UGT1A1: variants seen among roughly 807,000 people sequenced by gnomAD.
The protein encoded by UGT1A1 is UDP glucuronosyltransferase family 1 member A1, also known as UDP-glucuronosyltransferase 1A1.
In UGT1A1, 33 loss-of-function variants were observed where a neutral mutation model predicts 40.6. The ratio of observed to expected loss-of-function variants is 0.81; its 90% CI spans 0.62 to 1.09. UGT1A1 has a LOEUF of 1.09. Among genes scored for constraint, UGT1A1 ranks in the 50% least tolerant of loss-of-function variants. The probability of loss-of-function intolerance (pLI) is 0.00; values close to 1 mark genes in which losing one functional copy is unlikely to be tolerated. For synonymous variants in UGT1A1, 249 were observed against 265.0 expected (o/e 0.94, Z 0.59); for missense variants, 694 against 671.2 (o/e 1.03, Z -0.38).
At chr2:233,761,211 C>A in intron 1 of UGT1A1, 60 bp downstream of exon 1, 2 of 1,613,736 alleles carry the variant, frequency 1.2e-6, no homozygotes, top group South Asian at 1.1e-5. Flanking sequence ...TACTTTGGAT[C>A]GATTAACTAG....
Position 233,772,306 on chromosome 2 carries a change from G to T in UGT1A1, c.1349G>T (p.Arg450Leu), listed in dbSNP as rs200370335. 9.9e-6 allele frequency: 16 copies of T among 1,614,092 alleles called. No individual in the cohort carries two copies. Among genetic ancestry groups the T allele is most frequent in the South Asian group, 2.2e-5 (2 of 91,084 alleles). ...CGCCTCTCCAGCCTTCACAAGGACC[G>T]CCCGGTGGAGCCGCTGGACCTGGCC... ...IMRLSSLHKD[R>L]PVEPLDLAVF... The change falls in exon 5 of 5, where the codon CGC (arginine) becomes CTC (leucine). Residue 450 changes from arginine (R) to leucine (L), a missense_variant. By Grantham distance (102) the Arg-to-Leu change is moderately radical. Coordinates refer to ENST00000305208, the MANE Select transcript of UGT1A1 (RefSeq NM_000463.3).
chr2:233,760,618 A>C lies in UGT1A1; in HGVS notation c.331A>C (p.Lys111Gln), dbSNP rs558023429. ...ENDSFLQRVI[K>Q]TYKKIKKDSA... ...TGATTCTTTCCTGCAGCGTGTGATC[A>C]AAACATACAAGAAAATAAAAAAGGA... Residue 111 changes from lysine to glutamine, a missense_variant, in exon 1 of 5, where the codon AAA becomes CAA. Lys to Gln is a moderately conservative substitution (Grantham distance 53). Coordinates refer to ENST00000305208, the MANE Select transcript of UGT1A1 (RefSeq NM_000463.3). 1 of 1,614,234 alleles carries C rather than the reference A, an allele frequency of 6.2e-7. No homozygotes were observed. Among genetic ancestry groups the C allele is most frequent in the Non-Finnish European group, 8.5e-7 (1 of 1,180,038 alleles).
chr2:233,770,590 G>A (rs1203955957), intron 4 of UGT1A1: 2 of 151,878 alleles, frequency 1.3e-5, no homozygotes, highest in Non-Finnish European at 2.9e-5. Flanking sequence ...CCTGAGAGGC[G>A]GAGGTTGCAG....
In UGT1A1 at chr2:233,768,239, C is replaced by A. The variant is rs1699593098; in HGVS notation, c.1104C>A (p.Ala368=). Residue 368 remains alanine (A), a synonymous_variant, in exon 4 of 5, where the codon GCC becomes GCA. Coordinates refer to ENST00000305208, the MANE Select transcript of UGT1A1 (RefSeq NM_000463.3). ...NDLLGHPMTR[A]FITHAGSHGV... ...TCTCAGGTCACCCGATGACCCGTGC[C>A]TTTATCACCCATGCTGGTTCCCATG... 1 of 1,614,058 alleles carries A rather than the reference C, an allele frequency of 6.2e-7. No individual in the cohort carries two copies. The highest frequency in any genetic ancestry group is 1.3e-5 in the African/African-American group (1 of 74,904).
At chr2:233,763,131 T>C (rs1039292285) in intron 1 of UGT1A1, among the ~76,000 whole-genome samples, 1 of 152,268 alleles carries the variant, frequency 6.6e-6, no homozygotes, top group African/African-American at 2.4e-5. Flanking sequence ...CTGGCATTTA[T>C]TGATATAACC....
At position 233,768,425 on chromosome 2, in the gene UGT1A1, C is replaced by A. The variant is rs1021872145; in HGVS notation, c.1290C>A (p.Val430=). 5.0e-6 allele frequency: 8 copies of A among 1,613,756 alleles called. No individual in the cohort carries two copies. Among genetic ancestry groups the A allele is most frequent in the Non-Finnish European group, 5.9e-6 (7 of 1,179,962 alleles). Residue 430 remains valine, a synonymous_variant, in exon 4 of 5, where the codon GTC becomes GTA. Transcript: ENST00000305208. ...ATTTAGAAAATGCTCTAAAAGCAGTCATCAATGACAAAAGGTAAGAAAGAA... is the reference window on the plus strand; with the variant it reads ...ATTTAGAAAATGCTCTAAAAGCAGTAATCAATGACAAAAGGTAAGAAAGAA... The part of the protein sequence containing the change: ...SEDLENALKA[V]INDKSYKENI...
chr2:233,765,595 AG>A (rs1698878767), intron 1 of UGT1A1, among the ~76,000 whole-genome samples: 1 of 152,004 alleles, frequency 6.6e-6, no homozygotes, highest in South Asian at 2.1e-4. Flanking sequence ...AACACACACC[AG>A]GGCTTGTGGC....
At chr2:233,767,965 C>CAAACCAG (rs1699532267) in intron 3 of UGT1A1, 29 bp downstream of exon 3, 1 of 1,613,980 alleles carries the variant, frequency 6.2e-7, no homozygotes, top group Admixed American at 1.7e-5. Flanking sequence ...ATGTATAGGT[C>CAAACCAG]AAACCAGGGT....
At chr2:233,767,193 T>G (rs373415241) in intron 2 of UGT1A1, 28 bp downstream of exon 2, 1 of 1,613,806 alleles carries the variant, frequency 6.2e-7, no homozygotes. Context: ...CATGGCCTCA[T>G]ATCTATTTTC....
rs1406835631 is a variant in UGT1A1 at position 233,768,368 on chromosome 2, G to T, written c.1233G>T (p.Val411=). The T allele has an allele frequency of 6.2e-7, 1 of 1,614,116 alleles. No individual in the cohort carries two copies. The highest frequency in any genetic ancestry group is 2.2e-5 in the East Asian group (1 of 44,876). Residue 411 remains valine, a synonymous_variant, in exon 4 of 5, where the codon GTG becomes GTT. Coordinates refer to ENST00000305208, the MANE Select transcript of UGT1A1 (RefSeq NM_000463.3). ...AKRMETKGAG[V]TLNVLEMTSE... ...GCATGGAGACTAAGGGAGCTGGAGT[G>T]ACCCTGAATGTTCTGGAAATGACTT...
At chr2:233,761,227 G>GAT in intron 1 of UGT1A1, 76 bp downstream of exon 1, 1 of 1,613,278 alleles carries the variant, frequency 6.2e-7, no homozygotes, top group Non-Finnish European at 8.5e-7. Flanking sequence ...ACTAGCCCCA[G>GAT]ATATATGCTG....
Position 233,772,368 on chromosome 2 carries a change from G to A in UGT1A1, c.1411G>A (p.Ala471Thr), listed in dbSNP as rs775532505. Residue 471 changes from alanine to threonine, a missense_variant, in exon 5 of 5, where the codon GCG (alanine) becomes ACG (threonine). Physicochemically the swap from Ala to Thr is moderately conservative, Grantham distance 58. Transcript: ENST00000305208. ...GGAGTTTGTGATGAGGCACAAGGGC[G>A]CGCCACACCTGCGCCCCGCAGCCCA... ...WVEFVMRHKG[A>T]PHLRPAAHDL... 1.1e-4 allele frequency: 174 copies of A among 1,614,102 alleles called. No individual in the cohort carries two copies. In the Middle Eastern group the frequency reaches 1.6e-3, roughly 15 times the overall value.
At chr2:233,767,532 T>C (rs183725309) in intron 2 of UGT1A1, among the ~76,000 whole-genome samples, 16 of 152,382 alleles carry the variant, frequency 1.0e-4, no homozygotes, top group Non-Finnish European at 2.1e-4. Context: ...ATGTCTTACA[T>C]TTCTGCTCTT....
At chr2:233,767,621 C>T (rs149525417) in intron 2 of UGT1A1, among the ~76,000 whole-genome samples, 1 of 152,276 alleles carries the variant, frequency 6.6e-6, no homozygotes, top group African/African-American at 2.4e-5. Flanking sequence ...AAGTGCACAG[C>T]TTGATAAATT....
At position 233,764,188 on chromosome 2, in the gene UGT1A1, A is replaced by G. The variant is rs1395608589; in HGVS notation, c.865-2846A>G. ...TCAGAACAGGGAAATTCTCTCATTCAGGGGCATCTCATCTTTTCTTTGAAG... is the reference window on the plus strand; with the variant it reads ...TCAGAACAGGGAAATTCTCTCATTCGGGGGCATCTCATCTTTTCTTTGAAG... On this transcript the variant is annotated intron_variant, in intron 1 of 4. Transcript: ENST00000305208. Among the ~76,000 whole-genome samples, 3 of 152,296 alleles carry G rather than the reference A, an allele frequency of 2.0e-5. No individual in the cohort carries two copies. The East Asian group carries it at 5.8e-4, about 29-fold the overall frequency.
intron 2 of UGT1A1, 41 bp downstream of exon 2, chr2:233,767,206 A>G: frequency 1.9e-6 from 3 of 1,613,184 alleles, no homozygotes; most frequent in Non-Finnish European, 2.5e-6. Context: ...CTATTTTCAC[A>G]GGAGCGCTAA....
In UGT1A1 at chr2:233,768,295, C is replaced by G; in HGVS notation, c.1160C>G (p.Pro387Arg). The part of the protein sequence containing the change: ...GVYESICNGV[P>R]MVMMPLFGDQ... ...TATGAAAGCATATGCAATGGCGTTC[C>G]CATGGTGATGATGCCCTTGTTTGGT... The change falls in exon 4 of 5, where the codon CCC (proline) becomes CGC (arginine). Residue 387 changes from proline (P) to arginine (R), a missense_variant. Physicochemically the swap from Pro to Arg is moderately radical, Grantham distance 103 (BLOSUM62 -2). Transcript: ENST00000305208. 6.2e-7 allele frequency: 1 copy of G among 1,614,158 alleles called. No individual in the cohort carries two copies. Among genetic ancestry groups the G allele is most frequent in the Admixed American group, 1.7e-5 (1 of 60,024 alleles).
At chr2:233,765,776 G>T (rs1408785034) in intron 1 of UGT1A1, among the ~76,000 whole-genome samples, 1 of 151,906 alleles carries the variant, frequency 6.6e-6, no homozygotes, top group South Asian at 2.1e-4. Flanking sequence ...GGGATTCATT[G>T]GACCACTGAA....
At position 233,769,509 on chromosome 2, in the gene UGT1A1, C is replaced by T; in HGVS notation, c.1304+1070C>T. 2 of 1,612,822 alleles carry T rather than the reference C, an allele frequency of 1.2e-6. No homozygotes were observed. Among genetic ancestry groups the T allele is most frequent in the Non-Finnish European group, 1.7e-6 (2 of 1,179,850 alleles). On this transcript the variant is annotated intron_variant, in intron 4 of 4. Coordinates refer to ENST00000305208, the MANE Select transcript of UGT1A1 (RefSeq NM_000463.3). This position sits in a 1 kb window ranked among gnomAD's most constrained non-coding sequence, Gnocchi z 4.4. Reference sequence around the variant, plus strand: ...TGTTTATGAGAGTGTCCATTGCTTTCTCCCATGGTTACCTCCTTTAGAAAG... The same window carrying T: ...TGTTTATGAGAGTGTCCATTGCTTTTTCCCATGGTTACCTCCTTTAGAAAG...
Sources: gnomAD v4.1 joint callset for allele counts (sites outside exome capture counted in the v4.1 genomes callset) on GRCh38, gnomAD v4.1.1 for gene constraint, Gnocchi (gnomAD v3.1) non-coding constraint, MANE v1.5 for transcripts, NCBI Gene and HGNC (gene_info 2026-07-23, HGNC 2026-07-21) for gene names.